The following DSCAM variants were observed in gnomAD, a reference collection of about 807,000 sequenced individuals.
The protein encoded by DSCAM is DS cell adhesion molecule.
DSCAM carries 47 observed loss-of-function variants against 217.7 expected under a neutral mutation model. That is an observed-to-expected ratio of 0.22 (90% CI 0.17 to 0.28). The LOEUF (loss-of-function observed/expected upper bound fraction) is 0.28. Ranked by LOEUF, DSCAM falls within the 10% of genes least tolerant of loss-of-function variation. The probability of loss-of-function intolerance (pLI) is 1.00; values close to 1 mark genes in which losing one functional copy is unlikely to be tolerated. For missense variants in DSCAM, 2,080 were observed against 2,618.3 expected, an observed-to-expected ratio of 0.79 and a Z score of 4.49; for synonymous variants, 1,056 against 1,015.3, an observed-to-expected ratio of 1.04 and a Z score of -0.76.
At chr21:40,530,904 TCCATCCATCCATTCAA>T (rs2076439796) in intron 3 of DSCAM, among the ~76,000 whole-genome samples, 1 of 81,556 alleles carries the variant, frequency 1.2e-5, no homozygotes, top group African/African-American at 9.8e-5. Context: ...CATCCATCCA[TCCATCCATCCATTCAA>T]CCATCCATCC....
intron 3 of DSCAM, among the ~76,000 whole-genome samples, chr21:40,494,153 A>G (rs1222051618): frequency 6.6e-6 from 1 of 151,972 alleles, no homozygotes; most frequent in East Asian, 1.9e-4. Flanking sequence ...CTACAAAACA[A>G]CCAGAAAGCC....
chr21:40,208,469 T>C (rs775999823), intron 11 of DSCAM, among the ~76,000 whole-genome samples: 1 of 152,146 alleles, frequency 6.6e-6, no homozygotes, highest in African/African-American at 2.4e-5. Context: ...ACAATTCCAT[T>C]GTCACAGAAA....
At chr21:40,113,138 C>G (rs1219817536) in intron 20 of DSCAM, among the ~76,000 whole-genome samples, 1 of 152,160 alleles carries the variant, frequency 6.6e-6, no homozygotes, top group East Asian at 1.9e-4. Flanking sequence ...GACCTATATC[C>G]CTGATGAACA....
At chr21:40,361,619 A>G (rs1463607353) in intron 4 of DSCAM, among the ~76,000 whole-genome samples, 3 of 152,006 alleles carry the variant, frequency 2.0e-5, no homozygotes, top group African/African-American at 7.3e-5. Flanking sequence ...CTCCATCTCA[A>G]AAACAAACAA....
At chr21:40,591,855 C>T (rs1469512915) in intron 3 of DSCAM, among the ~76,000 whole-genome samples, 1 of 152,268 alleles carries the variant, frequency 6.6e-6, no homozygotes, top group African/African-American at 2.4e-5. Flanking sequence ...TATGTATTAG[C>T]TTGTTGGACC....
At chr21:40,690,252 T>C (rs939874907) in intron 3 of DSCAM, among the ~76,000 whole-genome samples, 1 of 152,236 alleles carries the variant, frequency 6.6e-6, no homozygotes, top group Admixed American at 6.5e-5. Context: ...ACTGTAGCAG[T>C]GAGCAACAGA....
At chr21:40,825,262 TTTCTTTCCTTCC>T (rs1206895123) in intron 1 of DSCAM, among the ~76,000 whole-genome samples, 29 of 137,382 alleles carry the variant, frequency 2.1e-4, no homozygotes, top group African/African-American at 7.4e-4. Flanking sequence ...GAACATTTTC[TTTCTTTCCTTCC>T]TTCCTTCCTT....
At chr21:40,075,649 G>A (rs1178234832) in intron 26 of DSCAM, among the ~76,000 whole-genome samples, 1 of 152,160 alleles carries the variant, frequency 6.6e-6, no homozygotes, top group African/African-American at 2.4e-5. Flanking sequence ...CAGGGAGAGG[G>A]TCCTAGATAC....
chr21:40,109,846 G>A (rs1284829425), intron 20 of DSCAM, among the ~76,000 whole-genome samples: 3 of 152,200 alleles, frequency 2.0e-5, no homozygotes, highest in Non-Finnish European at 4.4e-5. Flanking sequence ...AGATCAAACT[G>A]CAAGGTGGCA....
chr21:40,526,541 G>GGATGGGGTGAGA, intron 3 of DSCAM, among the ~76,000 whole-genome samples: 1 of 152,236 alleles, frequency 6.6e-6, no homozygotes, highest in African/African-American at 2.4e-5. Flanking sequence ...TGCCAAAAGA[G>GGATGGGGTGAGA]GATGGGGTGA....
intron 11 of DSCAM, among the ~76,000 whole-genome samples, chr21:40,255,610 A>T (rs1000792527): frequency 6.6e-6 from 1 of 152,238 alleles, no homozygotes; most frequent in Non-Finnish European, 1.5e-5. Context: ...TAAATGCAGA[A>T]TAAGAAAGCA....
intron 9 of DSCAM, among the ~76,000 whole-genome samples, chr21:40,297,883 T>C (rs569937403): frequency 8.6e-4 from 131 of 152,322 alleles, no homozygotes; most frequent in Middle Eastern, 3.4e-3. Flanking sequence ...TATTTCCTGT[T>C]GGGCAATTTT....
At chr21:40,538,541 G>A (rs1031950467) in intron 3 of DSCAM, among the ~76,000 whole-genome samples, 4 of 152,210 alleles carry the variant, frequency 2.6e-5, no homozygotes, top group African/African-American at 4.8e-5. Context: ...AACTAAAAGC[G>A]AGCAACTTTT....
chr21:40,781,404 T>G (rs571636984), intron 1 of DSCAM, among the ~76,000 whole-genome samples: 20 of 152,316 alleles, frequency 1.3e-4, no homozygotes, highest in African/African-American at 4.8e-4. Flanking sequence ...TAGCATTCAT[T>G]ACTGCAATCA....
At chr21:40,416,131 C>T (rs1269475967) in intron 3 of DSCAM, among the ~76,000 whole-genome samples, 2 of 152,092 alleles carry the variant, frequency 1.3e-5, no homozygotes, top group Non-Finnish European at 2.9e-5. Context: ...AGGGGATCCC[C>T]TTTTTCTGGA....
intron 10 of DSCAM, among the ~76,000 whole-genome samples, chr21:40,278,607 C>A (rs368371534): frequency 7.7e-4 from 117 of 152,086 alleles, no homozygotes; most frequent in African/African-American, 2.7e-3. Flanking sequence ...TGGGTCATGC[C>A]TGTAGTCTTA....
intron 11 of DSCAM, among the ~76,000 whole-genome samples, chr21:40,191,002 A>T (rs2146834531): frequency 6.6e-6 from 1 of 152,356 alleles, no homozygotes; most frequent in Non-Finnish European, 1.5e-5. Flanking sequence ...TTTGCTTTTT[A>T]TCTCATTTCC....
rs2088058247 is a variant in DSCAM, at chr21:40,011,704, T to C, written c.*1330A>G. The C allele has an allele frequency of 6.6e-6, 1 of 152,114 alleles. No individual in the cohort carries two copies. Among genetic ancestry groups the C allele is most frequent in the Admixed American group, 6.6e-5 (1 of 15,258 alleles). The allele number at this position is 152,114 out of a possible 1,614,324, so 9.4% of individuals were successfully genotyped here. On this transcript the variant is annotated 3_prime_UTR_variant, in exon 33 of 33. Coordinates refer to ENST00000400454, the MANE Select transcript of DSCAM (RefSeq NM_001389.5). ...CTCTTAGGATGAGCCACATGGGAGA[T>C]AAAGTGAGGGAAAGGAAAGTAAAAA...
intron 11 of DSCAM, among the ~76,000 whole-genome samples, chr21:40,254,460 C>T (rs541040634): frequency 3.2e-4 from 48 of 152,194 alleles, no homozygotes; most frequent in Non-Finnish European, 6.2e-4. Context: ...CTGACGCATA[C>T]AAAATGATAC....
Sources: allele counts gnomAD v4.1 joint callset (sites outside exome capture counted in the v4.1 genomes callset), GRCh38; gene constraint gnomAD v4.1.1; transcripts MANE v1.5; gene names NCBI Gene and HGNC (gene_info 2026-07-23, HGNC 2026-07-21).